Variants in RELN observed in about 807,000 individuals in gnomAD.
RELN encodes reelin.
A neutral mutation model predicts 427.6 loss-of-function variants in RELN; 108 were observed. The observed-to-expected ratio is 0.25, with a 90% CI of 0.22 to 0.30. The LOEUF is 0.30. Among genes scored for constraint, RELN ranks in the 10% least tolerant of loss-of-function variants. The pLI is 1.00. For missense variants in RELN, 3,715 were observed against 4,302.8 expected (o/e 0.86, Z 3.82); for synonymous variants, 1,524 against 1,513.4 (o/e 1.01, Z -0.16).
chr7:103,651,515 C>T, intron 15 of RELN, 146 bp downstream of exon 15: 1 of 724,632 alleles, frequency 1.4e-6, no homozygotes, highest in Non-Finnish European at 2.4e-6. Flanking sequence ...TACTATCTTT[C>T]TTTCTTTCTT....
intron 1 of RELN, among the ~76,000 whole-genome samples, chr7:103,981,749 A>G (rs980728771): frequency 6.6e-6 from 1 of 152,214 alleles, no homozygotes; most frequent in Non-Finnish European, 1.5e-5. Context: ...GCATGTGGCC[A>G]TTATCCTCAA....
At chr7:103,859,536 G>A (rs548029050) in intron 2 of RELN, among the ~76,000 whole-genome samples, 7 of 152,170 alleles carry the variant, frequency 4.6e-5, no homozygotes, top group Middle Eastern at 3.4e-3. Flanking sequence ...CTCGTGATCC[G>A]CCCACTTTGA....
chr7:103,814,671 G>T (rs1196364927), intron 3 of RELN, among the ~76,000 whole-genome samples: 1 of 152,044 alleles, frequency 6.6e-6, no homozygotes, highest in Non-Finnish European at 1.5e-5. Flanking sequence ...CCCTCTGAGG[G>T]CCCAGAGGAT....
At chr7:103,662,099 C>CT (rs1201719879) in intron 11 of RELN, among the ~76,000 whole-genome samples, 1 of 152,120 alleles carries the variant, frequency 6.6e-6, no homozygotes, top group African/African-American at 2.4e-5. Flanking sequence ...TGGCCAGATC[C>CT]TTTTCTAGGG....
chr7:103,521,132 G>A (rs968434370), intron 48 of RELN, among the ~76,000 whole-genome samples: 8 of 150,230 alleles, frequency 5.3e-5, no homozygotes, highest in South Asian at 2.1e-4. Flanking sequence ...GCCCGCCACC[G>A]CGCCCGGCTA....
Position 103,575,666 on chromosome 7 carries a change from C to A in RELN, c.4185G>T (p.Gln1395His). 6.2e-7 allele frequency: 1 copy of A among 1,614,178 alleles called. No individual in the cohort carries two copies. The highest frequency in any genetic ancestry group is 8.5e-7 in the Non-Finnish European group (1 of 1,180,018). ...CTAAACCAAATGGAGGCACGTTTTTCTGTGAGCTGCTCTCCTGGATCCATC... is the reference window on the plus strand; with the variant it reads ...CTAAACCAAATGGAGGCACGTTTTTATGTGAGCTGCTCTCCTGGATCCATC... ...RFRWIQESSS[Q>H]KNVPPFGLDG... The change falls in exon 29 of 65, where the codon CAG (glutamine) becomes CAT (histidine). Residue 1395 changes from glutamine (Q) to histidine (H), a missense_variant. By Grantham distance (24) the Gln-to-His change is conservative (BLOSUM62 0). Around this residue, in one of 4 missense-constraint regions of RELN, gnomAD observed 2,208 missense variants for 2,361.7 expected, o/e 0.93. Transcript: ENST00000428762.
chr7:103,590,293 G>T (rs1293514607), intron 27 of RELN, among the ~76,000 whole-genome samples: 2 of 152,178 alleles, frequency 1.3e-5, no homozygotes, highest in Admixed American at 1.3e-4. Flanking sequence ...GCTGGGTGCG[G>T]TGGCTCATGC....
rs755196324 is a variant in RELN, at chr7:103,749,476, C to A, written c.606G>T (p.Leu202=). ...GGTGGTAGGAGTCAAAGTCATCTCT[C>A]AGGATAATGCTGTCACTATGTATTT... is the stretch of plus-strand genomic sequence containing the variant. The part of the protein sequence containing the change: ...LAEIHSDSII[L]RDDFDSYHQL... The change falls in exon 6 of 65, where the codon CTG becomes CTT. Residue 202 remains leucine (L), a synonymous_variant. Transcript: ENST00000428762. 6.2e-7 allele frequency: 1 copy of A among 1,612,886 alleles called. No homozygotes were observed. The highest frequency in any genetic ancestry group is 1.1e-5 in the South Asian group (1 of 91,070).
chr7:103,905,824 C>G (rs959030695), intron 2 of RELN, among the ~76,000 whole-genome samples: 52 of 152,066 alleles, frequency 3.4e-4, no homozygotes, highest in African/African-American at 1.3e-3. Context: ...TCCGAGAAGA[C>G]GGAGAAGCAC....
intron 64 of RELN, among the ~76,000 whole-genome samples, chr7:103,476,925 A>C (rs771552280): frequency 1.2e-4 from 18 of 152,220 alleles, no homozygotes; most frequent in Non-Finnish European, 1.8e-4. Context: ...TACCAGAGAA[A>C]GTAATTTTTA....
intron 2 of RELN, among the ~76,000 whole-genome samples, chr7:103,840,804 A>G (rs1307458638): frequency 6.6e-6 from 1 of 152,240 alleles, no homozygotes; most frequent in African/African-American, 2.4e-5. Context: ...TTAAATTTAC[A>G]TTCTGCTTTC....
intron 8 of RELN, among the ~76,000 whole-genome samples, chr7:103,721,318 C>T (rs1334431925): frequency 6.6e-6 from 1 of 151,390 alleles, no homozygotes; most frequent in Non-Finnish European, 1.5e-5. Context: ...GATTCAAATC[C>T]GTGCTTTAAA....
At chr7:103,840,597 C>T (rs927471823) in intron 2 of RELN, among the ~76,000 whole-genome samples, 5 of 152,086 alleles carry the variant, frequency 3.3e-5, no homozygotes, top group South Asian at 2.1e-4. Context: ...AGCAAGGGTG[C>T]GTATATAAAC....
intron 4 of RELN, among the ~76,000 whole-genome samples, chr7:103,768,553 A>T (rs1001624664): frequency 1.4e-4 from 22 of 152,220 alleles, no homozygotes; most frequent in Non-Finnish European, 1.9e-4. Context: ...CATAGCAAAC[A>T]TTCAGGGTTA....
chr7:103,835,872 T>G (rs1793387690), intron 2 of RELN, among the ~76,000 whole-genome samples: 1 of 152,170 alleles, frequency 6.6e-6, no homozygotes, highest in Non-Finnish European at 1.5e-5. Flanking sequence ...CTTGATTTTC[T>G]TCCTGCCCAC....
rs1437200609 is a variant in RELN, at chr7:103,988,992, C to T, written c.226+139G>A. 6.6e-6 allele frequency: 5 copies of T among 752,904 alleles called. No individual in the cohort carries two copies. Among genetic ancestry groups the T allele is most frequent in the Non-Finnish European group, 1.1e-5 (5 of 438,444 alleles). 46.6% of individuals were successfully genotyped at this position (752,904 alleles called of 1,614,324 possible). A position where few individuals can be genotyped will look rare whatever the true frequency, so the allele number is the denominator to read the frequency against. ...TTCTCCACTAACTTTATTCTCGCTC[C>T]CTGGACCAAGCGCATCGCTGGGGCC... On this transcript the variant is annotated intron_variant, in intron 1 of 64. Transcript: ENST00000428762. This position sits in a 1 kb window ranked among gnomAD's most constrained non-coding sequence, Gnocchi z 4.9.
intron 2 of RELN, among the ~76,000 whole-genome samples, chr7:103,848,996 G>A (rs914535735): frequency 2.6e-5 from 4 of 152,066 alleles, no homozygotes; most frequent in Non-Finnish European, 4.4e-5. Context: ...CCCTACCTGG[G>A]ACAGCCTAAC....
At chr7:103,564,108 A>G (rs1830695458) in intron 34 of RELN, among the ~76,000 whole-genome samples, 1 of 152,232 alleles carries the variant, frequency 6.6e-6, no homozygotes, top group Admixed American at 6.5e-5. Flanking sequence ...AACACAGTAG[A>G]TATTCAATAA....
intron 51 of RELN, among the ~76,000 whole-genome samples, chr7:103,508,658 A>G (rs1196526107): frequency 6.6e-6 from 1 of 152,230 alleles, no homozygotes; most frequent in Non-Finnish European, 1.5e-5. Context: ...GGCCAGGGCA[A>G]TCAGGCAAGA....
Sources: allele counts gnomAD v4.1 joint callset (sites outside exome capture counted in the v4.1 genomes callset), GRCh38; gene constraint gnomAD v4.1.1; regional missense constraint gnomAD v4.1.1; non-coding constraint Gnocchi (gnomAD v3.1); transcripts MANE v1.5; gene names NCBI Gene and HGNC (gene_info 2026-07-23, HGNC 2026-07-21).